Variants in SPEF2 observed in about 807,000 individuals in gnomAD.
SPEF2 encodes the protein sperm flagellar and cilia associated 2.
Under a neutral mutation model 224.6 loss-of-function variants are expected in SPEF2, and 187 were observed. The observed-to-expected ratio is 0.83, with a 90% CI of 0.74 to 0.94. The LOEUF (loss-of-function observed/expected upper bound fraction) is 0.94. Among genes scored for constraint, SPEF2 ranks in the 40% least tolerant of loss-of-function variants. The pLI is 0.00. For missense variants in SPEF2, 2,170 were observed against 2,135.6 expected, an observed-to-expected ratio of 1.02 and a Z score of -0.32; for synonymous variants, 715 against 707.3, an observed-to-expected ratio of 1.01 and a Z score of -0.17.
At chr5:35,695,081 A>G (rs1284171570) in intron 13 of SPEF2, among the ~76,000 whole-genome samples, 2 of 152,186 alleles carry the variant, frequency 1.3e-5, no homozygotes, top group Non-Finnish European at 2.9e-5. Flanking sequence ...GTTTACTATG[A>G]GCATACAACA....
intron 26 of SPEF2, among the ~76,000 whole-genome samples, chr5:35,767,179 A>G (rs1203522831): frequency 6.6e-6 from 1 of 151,922 alleles, no homozygotes; most frequent in Non-Finnish European, 1.5e-5. Flanking sequence ...TACTTTGGTC[A>G]ATTTGCTTTA....
intron 2 of SPEF2, among the ~76,000 whole-genome samples, chr5:35,628,868 ATG>A (rs1744660381): frequency 6.6e-6 from 1 of 151,998 alleles, no homozygotes. Flanking sequence ...TTGAGATTAC[ATG>A]TGTGCACCCC....
At chr5:35,686,143 A>G (rs2149519582) in intron 10 of SPEF2, among the ~76,000 whole-genome samples, 1 of 152,186 alleles carries the variant, frequency 6.6e-6, no homozygotes, top group South Asian at 2.1e-4. Context: ...ATCATCTGAG[A>G]TACAATTTTG....
rs1749358004 is a variant in SPEF2 at position 35,659,135 on chromosome 5, C to T, written c.1095C>T (p.Asn365=). 1 of 1,613,102 alleles carries T rather than the reference C, an allele frequency of 6.2e-7. No homozygotes were observed. The highest frequency in any genetic ancestry group is 8.5e-7 in the Non-Finnish European group (1 of 1,179,494). The change falls in exon 8 of 37, where the codon AAC becomes AAT. Residue 365 remains asparagine, a synonymous_variant. Coordinates refer to ENST00000356031, the MANE Select transcript of SPEF2 (RefSeq NM_024867.4). ...VRHEKEVLWQ[N]RIFREKQHEE... ...ATGAAAAGGAAGTTTTATGGCAAAA[C>T]AGAATTTTCAGAGAAAAACAACATG...
rs115252385 is a variant in SPEF2, at chr5:35,697,508, G to A, written c.2038-182G>A. 8.0e-3 allele frequency among the ~76,000 whole-genome samples: 1,211 copies of A among 152,288 alleles called. 30 individuals carry two copies. Among genetic ancestry groups the A allele is most frequent in the African/African-American group, 0.028 (1,154 of 41,544 alleles). ...ACGATCTTGGAAGGGAGGGAGGCTC[G>A]AAGGAAGAGCCTCAAATTCTGTGCA... On this transcript the variant is annotated intron_variant, in intron 14 of 36. Transcript: ENST00000356031.
chr5:35,632,035 G>A (rs1745209088), intron 2 of SPEF2, among the ~76,000 whole-genome samples: 1 of 152,146 alleles, frequency 6.6e-6, no homozygotes, highest in South Asian at 2.1e-4. Flanking sequence ...AAGTCTCTAG[G>A]AAGTTCCACA....
chr5:35,731,588 G>T (rs1241527927), intron 21 of SPEF2, among the ~76,000 whole-genome samples: 1 of 152,140 alleles, frequency 6.6e-6, no homozygotes, highest in African/African-American at 2.4e-5. Flanking sequence ...TGACAGAGAG[G>T]AAGTCAAATT....
rs780887046 is a variant in SPEF2 at position 35,705,656 on chromosome 5, T to G, written c.2513T>G (p.Ile838Arg). 1 of 1,578,368 alleles carries G rather than the reference T, an allele frequency of 6.3e-7. No homozygotes were observed. The highest frequency in any genetic ancestry group is 8.5e-7 in the Non-Finnish European group (1 of 1,169,750). ...ATCATATTTTGATTTTGCAGAATTATAGGCTTCTTGGACAACTGGCCTTTA... is the reference window on the plus strand; with the variant it reads ...ATCATATTTTGATTTTGCAGAATTAGAGGCTTCTTGGACAACTGGCCTTTA... ...NLRDQIQHRI[I>R]GFLDNWPLLE... Residue 838 changes from isoleucine to arginine, a missense_variant, in exon 18 of 37, where the codon ATA becomes AGA. Transcript: ENST00000356031.
chr5:35,633,755 G>GTAA (rs1745449949), intron 2 of SPEF2, among the ~76,000 whole-genome samples: 1 of 151,530 alleles, frequency 6.6e-6, no homozygotes, highest in South Asian at 2.1e-4. Flanking sequence ...TTCCCTTATT[G>GTAA]TTTCTTTTAC....
chr5:35,627,557 A>C (rs1021698477), intron 1 of SPEF2, among the ~76,000 whole-genome samples: 1 of 152,124 alleles, frequency 6.6e-6, no homozygotes, highest in South Asian at 2.1e-4. Context: ...AGGCCACTGC[A>C]CTCAGAGGTT....
intron 21 of SPEF2, among the ~76,000 whole-genome samples, chr5:35,735,488 T>A (rs1580506760): frequency 6.6e-6 from 1 of 152,020 alleles, no homozygotes; most frequent in Non-Finnish European, 1.5e-5. Flanking sequence ...GTAACATGAG[T>A]TGTGCAACAC....
intron 9 of SPEF2, 33 bp downstream of exon 9, chr5:35,667,292 A>T (rs1750614304): frequency 2.6e-6 from 4 of 1,515,454 alleles, no homozygotes; most frequent in Non-Finnish European, 3.6e-6. Flanking sequence ...CAGTAGAGAC[A>T]CGATAGAGAA....
intron 16 of SPEF2, among the ~76,000 whole-genome samples, chr5:35,703,659 C>T (rs1000958745): frequency 6.6e-6 from 1 of 152,034 alleles, no homozygotes; most frequent in Non-Finnish European, 1.5e-5. Flanking sequence ...CTGACAGCAG[C>T]GAGGTAGCGA....
chr5:35,692,564 C>A lies in SPEF2; in HGVS notation c.1745-6C>A, dbSNP rs369121597. On this transcript the variant is annotated splice_region_variant and splice_polypyrimidine_tract_variant and intron_variant, in intron 11 of 36. Coordinates refer to ENST00000356031, the MANE Select transcript of SPEF2 (RefSeq NM_024867.4). ...GCTATTTATAAAATTATCTTTTGTA[C>A]TTTAGACTTTCCTATACAGATACTT... 5.8e-5 allele frequency: 92 copies of A among 1,578,852 alleles called. No homozygotes were observed. In the African/African-American group the frequency reaches 1.2e-3, roughly 20 times the overall value.
intron 23 of SPEF2, among the ~76,000 whole-genome samples, chr5:35,750,993 ATATG>A (rs1254073199): frequency 1.5e-5 from 1 of 66,138 alleles, no homozygotes; most frequent in African/African-American, 3.9e-5. Context: ...CTATATATAT[ATATG>A]TATATATATA....
chr5:35,762,054 A>G (rs1200201468), intron 25 of SPEF2, among the ~76,000 whole-genome samples: 1 of 152,186 alleles, frequency 6.6e-6, no homozygotes, highest in East Asian at 1.9e-4. Flanking sequence ...CTATAGCAAT[A>G]ATAATATTAG....
chr5:35,630,771 A>G lies in SPEF2; in HGVS notation c.161+2209A>G, dbSNP rs147862840. ...CTCTCTCAGGTTCAAAGTTCCACAG[A>G]TCTCTAGGGCAGGCGTAAAATGCCA... On this transcript the variant is annotated intron_variant, in intron 2 of 36. Coordinates refer to ENST00000356031, the MANE Select transcript of SPEF2 (RefSeq NM_024867.4). 3.3e-5 allele frequency among the ~76,000 whole-genome samples: 5 copies of G among 152,276 alleles called. No homozygotes were observed. The East Asian group carries it at 9.6e-4, about 29-fold the overall frequency.
intron 23 of SPEF2, among the ~76,000 whole-genome samples, chr5:35,740,776 G>T (rs1284736389): frequency 6.6e-6 from 1 of 152,124 alleles, no homozygotes; most frequent in East Asian, 1.9e-4. Flanking sequence ...ATAACAAGCA[G>T]ATTTTCATAA....
chr5:35,731,138 A>T (rs1745576269), intron 21 of SPEF2, among the ~76,000 whole-genome samples: 1 of 152,222 alleles, frequency 6.6e-6, no homozygotes, highest in Non-Finnish European at 1.5e-5. Context: ...AAGACTGAAA[A>T]TGGAAACCCA....
Sources: allele counts gnomAD v4.1 joint callset (sites outside exome capture counted in the v4.1 genomes callset), GRCh38; gene constraint gnomAD v4.1.1; transcripts MANE v1.5; gene names NCBI Gene and HGNC (gene_info 2026-07-23, HGNC 2026-07-21).